ZMYND11: variants seen among roughly 807,000 people sequenced by gnomAD.
The protein encoded by ZMYND11 is zinc finger MYND domain-containing protein 11.
Under a neutral mutation model 84.9 loss-of-function variants are expected in ZMYND11, and 9 were observed. That is an observed-to-expected ratio of 0.11 (90% CI 0.06 to 0.18). ZMYND11 has a LOEUF of 0.18. Ranked by LOEUF, ZMYND11 falls within the 10% of genes least tolerant of loss-of-function variation. ZMYND11 has a pLI of 1.00. For synonymous variants in ZMYND11, 250 were observed against 244.1 expected, an observed-to-expected ratio of 1.02 and a Z score of -0.23; for missense variants, 409 against 761.0, an observed-to-expected ratio of 0.54 and a Z score of 5.44.
At chr10:134,095 T>C (rs1343180652), upstream of ZMYND11, among the ~76,000 whole-genome samples, 1 of 151,886 alleles carries the variant, frequency 6.6e-6, no homozygotes, top group African/African-American at 2.4e-5. Context: ...AAACCCGGGG[T>C]AGTGCTGAAC....
chr10:153,984 C>T (rs954851394), intron 1 of ZMYND11, among the ~76,000 whole-genome samples: 2 of 152,306 alleles, frequency 1.3e-5, no homozygotes, highest in Non-Finnish European at 2.9e-5. Flanking sequence ...AAGGGTTTAA[C>T]GTTTTCCTGA....
At chr10:247,375 T>A in intron 11 of ZMYND11, 23 bp from the exon 12 acceptor site, 1 of 1,612,730 alleles carries the variant, frequency 6.2e-7, no homozygotes, top group Middle Eastern at 1.7e-4. Context: ...TGGAATAATA[T>A]ATTACTTTTA....
intron 1 of ZMYND11, among the ~76,000 whole-genome samples, chr10:149,517 A>C (rs1443237531): frequency 6.6e-6 from 1 of 151,890 alleles, no homozygotes; most frequent in Admixed American, 6.6e-5. Flanking sequence ...TCACCGGGTT[A>C]GCCAGGATGG....
At chr10:206,233 A>G (rs1044898904) in intron 2 of ZMYND11, among the ~76,000 whole-genome samples, 9 of 152,106 alleles carry the variant, frequency 5.9e-5, no homozygotes, top group Admixed American at 2.6e-4. Context: ...GGTGGCCAGC[A>G]CCTGTAGTCC....
chr10:230,811 G>C (rs1164143750), intron 4 of ZMYND11, among the ~76,000 whole-genome samples: 2 of 152,174 alleles, frequency 1.3e-5, no homozygotes, highest in Non-Finnish European at 2.9e-5. Context: ...AGTTTCTCTA[G>C]TAGGCAATGA....
intron 1 of ZMYND11, among the ~76,000 whole-genome samples, chr10:167,985 A>G (rs4880517): frequency 0.93 from 141,289 of 152,130 alleles, 65,965 homozygotes; most frequent in Non-Finnish European, 0.98. Context: ...AACTCTTGAT[A>G]CCCCCTGGCA....
intron 1 of ZMYND11, among the ~76,000 whole-genome samples, chr10:169,515 A>G (rs938847525): frequency 2.0e-5 from 3 of 152,210 alleles, no homozygotes; most frequent in Admixed American, 6.5e-5. Flanking sequence ...ATTAAAAACT[A>G]TGATTAAAAT....
chr10:162,763 T>C (rs1182459342), intron 1 of ZMYND11, among the ~76,000 whole-genome samples: 1 of 152,224 alleles, frequency 6.6e-6, no homozygotes, highest in Non-Finnish European at 1.5e-5. Context: ...GCATGGATGT[T>C]AATAAACTTG....
At chr10:202,053 A>G (rs1048525182) in intron 2 of ZMYND11, among the ~76,000 whole-genome samples, 3 of 152,184 alleles carry the variant, frequency 2.0e-5, no homozygotes, top group Non-Finnish European at 2.9e-5. Flanking sequence ...ATATGTTTTC[A>G]CATGATGCAA....
chr10:139,704 CTTTTTTTTTTT>C (rs67915368), intron 1 of ZMYND11, among the ~76,000 whole-genome samples: 1 of 80,238 alleles, frequency 1.2e-5, no homozygotes, highest in East Asian at 4.1e-4. Flanking sequence ...ACACATGGTC[CTTTTTTTTTTT>C]TTTTTTTTTT....
chr10:149,159 C>T (rs1329455325), intron 1 of ZMYND11, among the ~76,000 whole-genome samples: 3 of 151,826 alleles, frequency 2.0e-5, no homozygotes, highest in Non-Finnish European at 4.4e-5. Flanking sequence ...AAGGCTGAAC[C>T]GAAACTTGCC....
chr10:248,294 T>C lies in ZMYND11; in HGVS notation c.1228-42T>C, dbSNP rs778394446. The C allele has an allele frequency of 4.0e-5, 64 of 1,588,170 alleles. 1 individual carries two copies. In the South Asian group the frequency reaches 7.3e-4, roughly 18 times the overall value. On this transcript the variant is annotated intron_variant, in intron 12 of 14. Coordinates refer to ENST00000381604, the MANE Select transcript of ZMYND11 (RefSeq NM_001370100.5). ...GGGTAGTTCTTGAACTGGTGAATTA[T>C]GTGGCTTCGTTTGGCGTCTAAACTC...
intron 2 of ZMYND11, among the ~76,000 whole-genome samples, chr10:187,274 A>G (rs1263458380): frequency 6.6e-6 from 1 of 152,194 alleles, no homozygotes; most frequent in Non-Finnish European, 1.5e-5. Context: ...CTTATATCCA[A>G]GAAGGTAGTA....
intron 3 of ZMYND11, among the ~76,000 whole-genome samples, chr10:220,429 G>A (rs968011029): frequency 8.5e-5 from 13 of 152,048 alleles, no homozygotes; most frequent in African/African-American, 3.1e-4. Flanking sequence ...ATACTTAAAG[G>A]GTATTAGCTG....
At chr10:244,281 G>A (rs748337228) in intron 10 of ZMYND11, among the ~76,000 whole-genome samples, 3 of 152,132 alleles carry the variant, frequency 2.0e-5, no homozygotes, top group Non-Finnish European at 4.4e-5. Flanking sequence ...GCAAGTTTTG[G>A]CTAATTATTC....
At chr10:201,194 T>C (rs1943076551) in intron 2 of ZMYND11, among the ~76,000 whole-genome samples, 1 of 152,170 alleles carries the variant, frequency 6.6e-6, no homozygotes, top group African/African-American at 2.4e-5. Flanking sequence ...TCCTAAGTCT[T>C]AAGGTGTTTA....
chr10:199,727 C>A (rs1942673767), intron 2 of ZMYND11, among the ~76,000 whole-genome samples: 1 of 152,162 alleles, frequency 6.6e-6, no homozygotes, highest in South Asian at 2.1e-4. Flanking sequence ...GCCACTGTGG[C>A]CTGCCACAAC....
At chr10:207,641 A>T (rs927422695) in intron 2 of ZMYND11, among the ~76,000 whole-genome samples, 1 of 152,220 alleles carries the variant, frequency 6.6e-6, no homozygotes, top group Admixed American at 6.5e-5. Context: ...TCAATGAAAT[A>T]AAAGAGGATA....
At chr10:188,554 T>G (rs1939404235) in intron 2 of ZMYND11, among the ~76,000 whole-genome samples, 1 of 148,866 alleles carries the variant, frequency 6.7e-6, no homozygotes, top group Non-Finnish European at 1.5e-5. Context: ...ATTGTTCCAC[T>G]GTGCTCCGGC....
Sources: allele counts gnomAD v4.1 joint callset (sites outside exome capture counted in the v4.1 genomes callset), GRCh38; gene constraint gnomAD v4.1.1; transcripts MANE v1.5; gene names NCBI Gene and HGNC (gene_info 2026-07-23, HGNC 2026-07-21).